The following ACAD11 variants were observed in gnomAD, a reference collection of about 807,000 sequenced individuals.
ACAD11 encodes the protein acyl-CoA dehydrogenase family member 11.
In ACAD11, 83 loss-of-function variants were observed where a neutral mutation model predicts 102.2. The ratio of observed to expected loss-of-function variants is 0.81; its 90% CI spans 0.68 to 0.97. The LOEUF is 0.97. ACAD11 is among the 50% of genes least tolerant of loss of function. The pLI, the probability that ACAD11 is intolerant of heterozygous loss-of-function variation, is 0.00. For synonymous variants in ACAD11, 324 were observed against 319.8 expected, an observed-to-expected ratio of 1.01 and a Z score of -0.14; for missense variants, 901 against 951.7, an observed-to-expected ratio of 0.95 and a Z score of 0.70.
chr3:132,606,514 A>AT (rs1938844530), intron 11 of ACAD11, among the ~76,000 whole-genome samples: 1 of 152,214 alleles, frequency 6.6e-6, no homozygotes. Flanking sequence ...GGAAAAAAAA[A>AT]CTTGGATAAA....
rs545544285 is a variant in ACAD11 at position 132,561,176 on chromosome 3, A to G, written c.2043T>C (p.Ile681=). 5 of 1,613,518 alleles carry G rather than the reference A, an allele frequency of 3.1e-6. No individual in the cohort carries two copies. Among genetic ancestry groups the G allele is most frequent in the South Asian group, 2.2e-5 (2 of 91,076 alleles). Residue 681 remains isoleucine, a synonymous_variant, in exon 18 of 20, where the codon ATT becomes ATC. Transcript: ENST00000264990. ...TCAGAGTCAACAAGCGGATCTTCTC[A>G]ATGGCAATGCGGCTTTCAGCAATCC... The part of the protein sequence containing the change: ...AHWIAESRIA[I]EKIRLLTLKA...
chr3:132,560,036 C>G (rs1031121533), intron 18 of ACAD11, 94 bp from the exon 19 acceptor site: 4 of 897,750 alleles, frequency 4.5e-6, no homozygotes, highest in South Asian at 1.6e-5. Flanking sequence ...TTCCCACATC[C>G]AAGTCACCAC....
chr3:132,655,303 G>GT (rs967128728), intron 1 of ACAD11, among the ~76,000 whole-genome samples: 28 of 151,994 alleles, frequency 1.8e-4, no homozygotes, highest in South Asian at 1.0e-3. Flanking sequence ...CAGAGATTCT[G>GT]TTTTTTTTGT....
At chr3:132,567,968 A>G (rs1230262676) in intron 17 of ACAD11, among the ~76,000 whole-genome samples, 2 of 150,496 alleles carry the variant, frequency 1.3e-5, no homozygotes, top group Admixed American at 1.3e-4. Context: ...TAAAATCCCA[A>G]GCAATCTACA....
intron 13 of ACAD11, among the ~76,000 whole-genome samples, chr3:132,585,819 A>G (rs895693025): frequency 6.6e-5 from 10 of 152,202 alleles, no homozygotes; most frequent in African/African-American, 2.4e-4. Context: ...TAGAATGGCA[A>G]TCATTAAAAA....
intron 13 of ACAD11, among the ~76,000 whole-genome samples, chr3:132,598,729 G>A (rs1938425102): frequency 6.6e-6 from 1 of 152,206 alleles, no homozygotes; most frequent in Non-Finnish European, 1.5e-5. Context: ...TGCATGGTGG[G>A]TGCCAGCCCA....
chr3:132,631,404 G>A lies in ACAD11; in HGVS notation c.778C>T (p.Leu260=), dbSNP rs1327148828. 5 of 1,568,144 alleles carry A rather than the reference G, an allele frequency of 3.2e-6. No homozygotes were observed. The highest frequency in any genetic ancestry group is 4.3e-6 in the Non-Finnish European group (5 of 1,154,750). Reference sequence around the variant, plus strand: ...ACTGTCCTTGGCCAAAAGTAGAACAGGGAAAAATGAGCTAAGTCTGACAAA... The same window carrying A: ...ACTGTCCTTGGCCAAAAGTAGAACAAGGAAAAATGAGCTAAGTCTGACAAA... ...HPLSDLAHFS[L]FYFWPRTVPM... The change falls in exon 6 of 20, where the codon CTG becomes TTG. Residue 260 remains leucine, a synonymous_variant. Transcript: ENST00000264990.
intron 13 of ACAD11, among the ~76,000 whole-genome samples, chr3:132,592,405 A>G (rs907246688): frequency 6.6e-6 from 1 of 152,182 alleles, no homozygotes; most frequent in Non-Finnish European, 1.5e-5. Context: ...GATGGCTTAG[A>G]TAAAGTAATT....
At position 132,605,177 on chromosome 3, in the gene ACAD11, C is replaced by A. The variant is rs139371109; in HGVS notation, c.1443G>T (p.Leu481=). The A allele has an allele frequency of 6.2e-7, 1 of 1,613,366 alleles. No homozygotes were observed. Among genetic ancestry groups the A allele is most frequent in the Admixed American group, 1.7e-5 (1 of 60,008 alleles). The change falls in exon 12 of 20, where the codon CTG becomes CTT. Residue 481 remains leucine, a synonymous_variant. Transcript: ENST00000264990. The part of the protein sequence containing the change: ...PDTGNMEVLH[L]YGSEEQKKQW... ...GTTTCTTCTGTTCCTCACTTCCATA[C>A]AGGTGCAGAACCTCCATATTCCCTG...
intron 1 of ACAD11, chr3:132,650,492 GAC>G (rs1940890163): frequency 6.6e-6 from 1 of 152,124 alleles, no homozygotes; most frequent in Non-Finnish European, 1.5e-5. Flanking sequence ...TCAGTTTAGT[GAC>G]AGTTTTTTTA....
At chr3:132,561,076 G>A (rs1310300438) in intron 18 of ACAD11, 25 bp downstream of exon 18, 2 of 1,570,850 alleles carry the variant, frequency 1.3e-6, no homozygotes, top group African/African-American at 2.7e-5. Context: ...GCAGTTGGTG[G>A]TCTGAGGGGA....
intron 17 of ACAD11, among the ~76,000 whole-genome samples, chr3:132,566,914 T>A (rs527433411): frequency 6.6e-6 from 1 of 152,190 alleles, no homozygotes; most frequent in Non-Finnish European, 1.5e-5. Flanking sequence ...TATTTGATGG[T>A]GGAGGCAAAA....
intron 5 of ACAD11, among the ~76,000 whole-genome samples, chr3:132,637,334 G>T (rs1480798775): frequency 6.6e-6 from 1 of 152,128 alleles, no homozygotes; most frequent in African/African-American, 2.4e-5. Context: ...ACTAAAGGTA[G>T]TTTTTGAGAT....
At chr3:132,608,871 A>C (rs1344347173) in intron 11 of ACAD11, among the ~76,000 whole-genome samples, 2 of 152,194 alleles carry the variant, frequency 1.3e-5, no homozygotes, top group Non-Finnish European at 2.9e-5. Context: ...CTTATTCTAA[A>C]ATTGACCACA....
rs1387853550 is a variant in ACAD11, at chr3:132,623,275, GTATTATA to G, written c.1197+3409_1197+3415del. Among the ~76,000 whole-genome samples the G allele has an allele frequency of 3.3e-5, 5 of 152,142 alleles. No individual in the cohort carries two copies. In the East Asian group the frequency reaches 9.6e-4, roughly 29 times the overall value. On this transcript the variant is annotated intron_variant, in intron 9 of 19. Coordinates refer to ENST00000264990, the MANE Select transcript of ACAD11 (RefSeq NM_032169.5). ...TAAAGACAAGTGCTGTTAAAGTATT[GTATTATA>G]TGATACAACCTATTTTCTAGAAATG...
At chr3:132,600,284 G>A in intron 13 of ACAD11, 1 of 966,344 alleles carries the variant, frequency 1.0e-6, no homozygotes, top group South Asian at 1.8e-5. Context: ...ATATGTTACA[G>A]CAACAGGCTA....
At position 132,579,577 on chromosome 3, in the gene ACAD11, C is replaced by G. The variant is rs371152383; in HGVS notation, c.1622-19G>C. The G allele has an allele frequency of 1.1e-4, 185 of 1,609,116 alleles. No individual in the cohort carries two copies. The highest frequency in any genetic ancestry group is 1.4e-4 in the Non-Finnish European group (170 of 1,176,304). ...CCAGCTCCTAAAACCAAGGGGAACA[C>G]AAGCAGATTATAAAAGGAAATTTCT... On this transcript the variant is annotated intron_variant, in intron 13 of 19. Coordinates refer to ENST00000264990, the MANE Select transcript of ACAD11 (RefSeq NM_032169.5).
intron 13 of ACAD11, among the ~76,000 whole-genome samples, chr3:132,595,004 A>G (rs1336310759): frequency 6.6e-6 from 1 of 152,228 alleles, no homozygotes; most frequent in African/African-American, 2.4e-5. Context: ...GATGAAGCTT[A>G]TGTTCTAATA....
chr3:132,657,486 T>C (rs549729609), intron 1 of ACAD11, among the ~76,000 whole-genome samples: 32 of 152,350 alleles, frequency 2.1e-4, no homozygotes. Context: ...GGATTTTGAT[T>C]GTCATTGCTT....
Sources: allele counts gnomAD v4.1 joint callset (sites outside exome capture counted in the v4.1 genomes callset), GRCh38; gene constraint gnomAD v4.1.1; transcripts MANE v1.5; gene names NCBI Gene and HGNC (gene_info 2026-07-23, HGNC 2026-07-21).